The following MTG1 variants were observed in gnomAD, a reference collection of about 807,000 sequenced individuals.
MTG1 encodes mitochondrial ribosome-associated GTPase 1.
In MTG1, 30 loss-of-function variants were observed where a neutral mutation model predicts 39.5. The ratio of observed to expected loss-of-function variants is 0.76; its 90% confidence interval spans 0.57 to 1.03. The LOEUF (loss-of-function observed/expected upper bound fraction) is 1.03, where lower values mean the gene tolerates loss of function less well. Ranked by LOEUF, MTG1 falls within the 50% of genes least tolerant of loss-of-function variation. MTG1 has a pLI of 0.00. For missense variants in MTG1, 513 were observed against 447.4 expected (o/e 1.15, Z -1.32); for synonymous variants, 217 against 179.0 (o/e 1.21, Z -1.69).
intron 1 of MTG1, 195 bp downstream of exon 1, chr10:133,394,527 G>C: frequency 7.5e-7 from 1 of 1,342,242 alleles, no homozygotes; most frequent in Non-Finnish European, 9.5e-7. Flanking sequence ...GCGCAGCTGC[G>C]GGAGAGGCCC....
Position 133,395,698 on chromosome 10 carries a change from CCTT to C in MTG1, c.113-12_113-10del. ...GTTGTGAGCCCCTTCGCTGAGGCGT[CCTT>C]CTGTTTTCCAGGGCTGAAGAAGATG... is the stretch of plus-strand genomic sequence containing the variant. On this transcript the variant is annotated splice_polypyrimidine_tract_variant and intron_variant, in intron 1 of 10. Coordinates refer to ENST00000317502, the MANE Select transcript of MTG1 (RefSeq NM_138384.4). 1.9e-6 allele frequency: 3 copies of C among 1,613,716 alleles called. No individual in the cohort carries two copies. The highest frequency in any genetic ancestry group is 2.5e-6 in the Non-Finnish European group (3 of 1,179,804).
rs764715912 is a variant in MTG1, at chr10:133,402,259, G to A, written c.670+14G>A. ...TGGCCCTGTGTGGTGAGCCGGGGCTGGGGCTGGGGCTGGGGCTGGGACCGG... is the reference window on the plus strand; with the variant it reads ...TGGCCCTGTGTGGTGAGCCGGGGCTAGGGCTGGGGCTGGGGCTGGGACCGG... On this transcript the variant is annotated intron_variant, in intron 8 of 10. Coordinates refer to ENST00000317502, the MANE Select transcript of MTG1 (RefSeq NM_138384.4). The surrounding 1 kb of genome is among the most constrained non-coding windows in gnomAD (Gnocchi z 4.7). 74 of 1,521,574 alleles carry A rather than the reference G, an allele frequency of 4.9e-5. No homozygotes were observed. The East Asian group carries it at 1.3e-3, about 26-fold the overall frequency. 94.3% of individuals were successfully genotyped at this position (1,521,574 alleles called of 1,614,324 possible).
At chr10:133,414,838 G>A (rs1589918080) in intron 9 of MTG1, among the ~76,000 whole-genome samples, 1 of 151,946 alleles carries the variant, frequency 6.6e-6, no homozygotes, top group East Asian at 1.9e-4. Context: ...AGGTTGTAGC[G>A]AGCCGAGATC....
chr10:133,412,830 T>C (rs1057092348), intron 9 of MTG1, among the ~76,000 whole-genome samples: 10 of 152,216 alleles, frequency 6.6e-5, no homozygotes, highest in African/African-American at 1.9e-4. Context: ...CCATTCGATG[T>C]TTATTTTTTT....
chr10:133,401,364 A>T, intron 6 of MTG1, 165 bp from the exon 7 acceptor site: 1 of 546,152 alleles, frequency 1.8e-6, no homozygotes, highest in Non-Finnish European at 3.1e-6. Context: ...CATTTTGGCC[A>T]GATATGTTTG....
chr10:133,404,242 T>G lies in MTG1; in HGVS notation c.752+1469T>G, dbSNP rs146362467. On this transcript the variant is annotated intron_variant, in intron 9 of 10. Transcript: ENST00000317502. ...CCTGGGCTCAAGCGATCCTCCCACT[T>G]CAGCCTCCCAAGTAGCTGAGACTAC... 3.2e-3 allele frequency among the ~76,000 whole-genome samples: 474 copies of G among 149,444 alleles called. 2 individuals are homozygous for G. Among genetic ancestry groups the G allele is most frequent in the African/African-American group, 0.011 (464 of 40,696 alleles).
At chr10:133,401,386 C>T (rs1384457376) in intron 6 of MTG1, 143 bp from the exon 7 acceptor site, 6 of 617,798 alleles carry the variant, frequency 9.7e-6, no homozygotes, top group Non-Finnish European at 1.1e-5. Context: ...TACATAGTCT[C>T]CCTGCTTGGC....
rs1849907429 is a variant in MTG1, at chr10:133,402,883, G to A, written c.752+110G>A. 1.2e-6 allele frequency: 1 copy of A among 805,708 alleles called. No homozygotes were observed. The highest frequency in any genetic ancestry group is 1.9e-6 in the Non-Finnish European group (1 of 515,008). 49.9% of individuals were successfully genotyped at this position (805,708 alleles called of 1,614,324 possible). On this transcript the variant is annotated intron_variant, in intron 9 of 10. Coordinates refer to ENST00000317502, the MANE Select transcript of MTG1 (RefSeq NM_138384.4). The surrounding 1 kb of genome is among the most constrained non-coding windows in gnomAD (Gnocchi z 4.7). ...GCATTATAAAGGTATTATAAACACGGTAACCTGCACATCGTTTAAAGCGTC... is the reference window on the plus strand; with the variant it reads ...GCATTATAAAGGTATTATAAACACGATAACCTGCACATCGTTTAAAGCGTC...
intron 9 of MTG1, among the ~76,000 whole-genome samples, chr10:133,417,973 C>A (rs1361043138): frequency 2.0e-5 from 3 of 152,164 alleles, no homozygotes; most frequent in African/African-American, 7.2e-5. Flanking sequence ...AGATTCAATG[C>A]CATCCCCATC....
chr10:133,397,769 C>T (rs1218392887), intron 3 of MTG1, among the ~76,000 whole-genome samples: 2 of 140,168 alleles, frequency 1.4e-5, no homozygotes, highest in Non-Finnish European at 3.0e-5. Flanking sequence ...TGAGTCACTG[C>T]GTCCAGCCTG....
intron 9 of MTG1, among the ~76,000 whole-genome samples, chr10:133,406,520 CTATTAT>C (rs935014078): frequency 6.6e-5 from 10 of 151,458 alleles, no homozygotes; most frequent in South Asian, 2.1e-4. Context: ...TTACATTTGC[CTATTAT>C]TATTATTATT....
chr10:133,416,449 A>T (rs1266424119), intron 9 of MTG1, among the ~76,000 whole-genome samples: 1 of 150,990 alleles, frequency 6.6e-6, no homozygotes, highest in Non-Finnish European at 1.5e-5. Flanking sequence ...CATGTGCACA[A>T]TGTGTAGGTT....
chr10:133,396,973 G>A (rs935352922), intron 3 of MTG1, among the ~76,000 whole-genome samples: 2 of 152,176 alleles, frequency 1.3e-5, no homozygotes, highest in African/African-American at 2.4e-5. Context: ...GGGAAAGGGA[G>A]TCTCCCTTTC....
chr10:133,419,003 G>C (rs1182634336), intron 9 of MTG1, among the ~76,000 whole-genome samples: 1 of 152,232 alleles, frequency 6.6e-6, no homozygotes, highest in Non-Finnish European at 1.5e-5. Flanking sequence ...CACCCAGCCG[G>C]GTGGAGAGGA....
chr10:133,408,894 C>T (rs936676578), intron 9 of MTG1, among the ~76,000 whole-genome samples: 4 of 152,000 alleles, frequency 2.6e-5, no homozygotes, highest in African/African-American at 9.7e-5. Flanking sequence ...GTTGTAATGT[C>T]TCCTTTTTTG....
chr10:133,395,033 C>T (rs1335327473), intron 1 of MTG1, among the ~76,000 whole-genome samples: 2 of 152,116 alleles, frequency 1.3e-5, no homozygotes, highest in African/African-American at 4.8e-5. Flanking sequence ...AGGGGACTAT[C>T]GTCATCATCC....
rs1459046976 is a variant in MTG1 at position 133,406,082 on chromosome 10, GA to G, written c.752+3310del. On this transcript the variant is annotated intron_variant, in intron 9 of 10. Coordinates refer to ENST00000317502, the MANE Select transcript of MTG1 (RefSeq NM_138384.4). ...TGGTTTTGATTTGCATTTCTCTGGT[GA>G]TTAGTCATGTTGAGCATTTTTTCAT... 1.3e-5 allele frequency among the ~76,000 whole-genome samples: 2 copies of G among 152,152 alleles called. 1 individual carries two copies. The highest frequency in any genetic ancestry group is 3.8e-4 in the East Asian group (2 of 5,202).
intron 9 of MTG1, among the ~76,000 whole-genome samples, chr10:133,417,534 T>C (rs1189690394): frequency 3.3e-5 from 5 of 151,624 alleles, no homozygotes; most frequent in Admixed American, 6.6e-5. Context: ...CCAGGGCAGT[T>C]AGGCAGGAGA....
At chr10:133,400,626 T>C (rs1039213193) in intron 6 of MTG1, among the ~76,000 whole-genome samples, 1 of 152,240 alleles carries the variant, frequency 6.6e-6, no homozygotes, top group Admixed American at 6.5e-5. Flanking sequence ...ATTTATTCTT[T>C]TAAGTTTATT....
Sources: allele counts gnomAD v4.1 joint callset (sites outside exome capture counted in the v4.1 genomes callset), GRCh38; gene constraint gnomAD v4.1.1; non-coding constraint Gnocchi (gnomAD v3.1); transcripts MANE v1.5; gene names NCBI Gene and HGNC (gene_info 2026-07-23, HGNC 2026-07-21).